The following ESRP1 variants were observed in gnomAD, a reference collection of about 807,000 sequenced individuals.
ESRP1 encodes the protein RNA-binding motif protein 35A.
Under a neutral mutation model 81.7 loss-of-function variants are expected in ESRP1, and 33 were observed. The ratio of observed to expected loss-of-function variants is 0.40; its 90% CI spans 0.31 to 0.54. ESRP1 has a LOEUF of 0.54. Among genes scored for constraint, ESRP1 ranks in the 20% least tolerant of loss-of-function variants. ESRP1 has a pLI of 0.41. For synonymous variants in ESRP1, 320 were observed against 303.3 expected, an observed-to-expected ratio of 1.06 and a Z score of -0.57; for missense variants, 672 against 833.1, an observed-to-expected ratio of 0.81 and a Z score of 2.38.
intron 4 of ESRP1, among the ~76,000 whole-genome samples, chr8:94,655,082 TG>T (rs1586185797): frequency 6.9e-6 from 1 of 144,494 alleles, no homozygotes; most frequent in African/African-American, 2.6e-5. Context: ...TGTGTGTGTG[TG>T]TGTGTTTTGT....
Position 94,703,825 on chromosome 8 carries a change from T to G in ESRP1, c.*36-2100T>G, listed in dbSNP as rs189180478. ...ACTGGCCATGTCTGGGCCCCTTGTT[T>G]GGCTCAGTGGTAAAACTGCCTCTTA... On this transcript the variant is annotated intron_variant, in intron 15 of 15. Coordinates refer to ENST00000433389, the MANE Select transcript of ESRP1 (RefSeq NM_017697.4). 2.4e-3 allele frequency among the ~76,000 whole-genome samples: 368 copies of G among 152,318 alleles called. 2 individuals carry two copies. Among genetic ancestry groups the G allele is most frequent in the Middle Eastern group, 0.01 (3 of 294 alleles).
At chr8:94,665,438 A>G (rs756018782) in intron 9 of ESRP1, among the ~76,000 whole-genome samples, 13 of 152,206 alleles carry the variant, frequency 8.5e-5, no homozygotes, top group Non-Finnish European at 1.6e-4. Flanking sequence ...AAATAGTACT[A>G]TACAAAGGTG....
intron 1 of ESRP1, 33 bp from the exon 2 acceptor site, chr8:94,641,923 G>A: frequency 6.2e-7 from 1 of 1,609,938 alleles, no homozygotes; most frequent in Non-Finnish European, 8.5e-7. Context: ...CCGAAATTGG[G>A]GGAAACTGAC....
In ESRP1 at chr8:94,706,443, C is replaced by T. The variant is rs1307986830; in HGVS notation, c.*554C>T. On this transcript the variant is annotated 3_prime_UTR_variant, in exon 16 of 16. Transcript: ENST00000433389. ...AGAATAAAATTGTTATTTTCCCAGT[C>T]TCTTGGCCATGATGATATCTTATGA... 1 of 153,060 alleles carries T rather than the reference C, an allele frequency of 6.5e-6. No individual in the cohort carries two copies. The highest frequency in any genetic ancestry group is 2.4e-5 in the African/African-American group (1 of 41,430). The allele number at this position is 153,060 out of a possible 1,614,324, so 9.5% of individuals were successfully genotyped here. A position where few individuals can be genotyped will look rare whatever the true frequency, so the allele number is the denominator to read the frequency against.
chr8:94,706,763 C>T lies in ESRP1; in HGVS notation c.*874C>T, dbSNP rs1008934021. 1 of 152,206 alleles carries T rather than the reference C, an allele frequency of 6.6e-6. No homozygotes were observed. Among genetic ancestry groups the T allele is most frequent in the African/African-American group, 2.4e-5 (1 of 41,430 alleles). 9.4% of individuals were successfully genotyped at this position (152,206 alleles called of 1,614,324 possible). ...AGAGAAATTCCATAGTTTTTAATAT[C>T]CCAGAAGTGAGACAATTTGAACAGT... is the stretch of plus-strand genomic sequence containing the variant. On this transcript the variant is annotated 3_prime_UTR_variant, in exon 16 of 16. Coordinates refer to ENST00000433389, the MANE Select transcript of ESRP1 (RefSeq NM_017697.4).
chr8:94,667,228 CAAA>C (rs1819071642), intron 9 of ESRP1, among the ~76,000 whole-genome samples: 1 of 147,730 alleles, frequency 6.8e-6, no homozygotes, highest in Admixed American at 6.7e-5. Flanking sequence ...AAAAAAAAAA[CAAA>C]AAAGAAGCAA....
chr8:94,649,839 AG>A (rs1188399160), intron 4 of ESRP1, among the ~76,000 whole-genome samples: 1 of 152,172 alleles, frequency 6.6e-6, no homozygotes, highest in Non-Finnish European at 1.5e-5. Flanking sequence ...GACCAGTTTT[AG>A]GTTTAGAGCA....
At position 94,668,141 on chromosome 8, in the gene ESRP1, T is replaced by C; in HGVS notation, c.1124T>C (p.Val375Ala). The change falls in exon 10 of 16, where the codon GTC (valine) becomes GCC (alanine). Residue 375 changes from valine to alanine, a missense_variant. Physicochemically the swap from Val to Ala is moderately conservative, Grantham distance 64. Coordinates refer to ENST00000433389, the MANE Select transcript of ESRP1 (RefSeq NM_017697.4). ...GGTAGGCCAACAGGGGACGCTTTTG[T>C]CCTCTTTGCCTGTGAGGAATATGCA... ...PDGRPTGDAF[V>A]LFACEEYAQN... The C allele has an allele frequency of 6.2e-7, 1 of 1,614,042 alleles. No homozygotes were observed. Among genetic ancestry groups the C allele is most frequent in the Non-Finnish European group, 8.5e-7 (1 of 1,179,894 alleles).
rs764634654 is a variant in ESRP1, at chr8:94,678,311, C to A, written c.1760C>A (p.Ser587Tyr). 1.9e-6 allele frequency: 3 copies of A among 1,613,910 alleles called. No individual in the cohort carries two copies. ...VILNPRALQPSTAYYPAGTQL... is the reference protein window; with the variant it reads ...VILNPRALQPYTAYYPAGTQL... ...TTGAATCCACGAGCACTGCAGCCCT[C>A]CACAGCGTACTACCCAGCAGGCACT... Residue 587 changes from serine to tyrosine, a missense_variant, in exon 13 of 16, where the codon TCC (serine) becomes TAC (tyrosine). By Grantham distance (144) the Ser-to-Tyr change is moderately radical (BLOSUM62 -2). Coordinates refer to ENST00000433389, the MANE Select transcript of ESRP1 (RefSeq NM_017697.4).
At chr8:94,643,448 T>G in intron 3 of ESRP1, 32 bp downstream of exon 3, 1 of 1,484,160 alleles carries the variant, frequency 6.7e-7, no homozygotes, top group South Asian at 1.1e-5. Context: ...AAAAAAATGG[T>G]TGGAGCTTTG....
intron 15 of ESRP1, among the ~76,000 whole-genome samples, chr8:94,697,554 A>C (rs1207175873): frequency 1.3e-5 from 2 of 152,226 alleles, no homozygotes; most frequent in African/African-American, 4.8e-5. Context: ...TTTATGACTG[A>C]ATAACATTTC....
At chr8:94,656,852 T>C (rs1342224374) in intron 4 of ESRP1, among the ~76,000 whole-genome samples, 2 of 152,212 alleles carry the variant, frequency 1.3e-5, no homozygotes, top group African/African-American at 4.8e-5. Context: ...AAAAACTTAG[T>C]TTAAAAAGAT....
intron 6 of ESRP1, 25 bp from the exon 7 acceptor site, chr8:94,664,672 A>G: frequency 1.3e-6 from 2 of 1,566,844 alleles, no homozygotes; most frequent in South Asian, 1.1e-5. Flanking sequence ...TTATCATGCA[A>G]CCTGAAGTTT....
At chr8:94,674,250 AT>A in intron 11 of ESRP1, 57 bp from the exon 12 acceptor site, 1 of 1,555,018 alleles carries the variant, frequency 6.4e-7, no homozygotes, top group Non-Finnish European at 8.8e-7. Flanking sequence ...GTAAGCAACC[AT>A]TTCCTTGTTG....
In ESRP1 at chr8:94,701,697, C is replaced by T. The variant is rs1586270221; in HGVS notation, c.*36-4228C>T. ...CTGGGTTCAAGCTGTCTCTCTGCCA[C>T]AGCCTTCCAAAGGGCTGGGATACCG... On this transcript the variant is annotated intron_variant, in intron 15 of 15. Coordinates refer to ENST00000433389, the MANE Select transcript of ESRP1 (RefSeq NM_017697.4). Among the ~76,000 whole-genome samples the T allele has an allele frequency of 2.6e-5, 4 of 152,156 alleles. 1 individual carries two copies. The highest frequency in any genetic ancestry group is 2.4e-5 in the African/African-American group (1 of 41,504).
intron 4 of ESRP1, among the ~76,000 whole-genome samples, chr8:94,658,095 C>T (rs945162493): frequency 1.3e-5 from 2 of 152,062 alleles, no homozygotes; most frequent in African/African-American, 2.4e-5. Context: ...TATTTTTAGT[C>T]GAGACAGGAG....
chr8:94,654,313 A>G (rs1365326378), intron 4 of ESRP1, among the ~76,000 whole-genome samples: 1 of 152,174 alleles, frequency 6.6e-6, no homozygotes, highest in Non-Finnish European at 1.5e-5. Context: ...GTGAGACTCC[A>G]TCTCAAAAAA....
chr8:94,649,377 T>A (rs915877292), intron 4 of ESRP1, among the ~76,000 whole-genome samples: 1 of 152,166 alleles, frequency 6.6e-6, no homozygotes, highest in South Asian at 2.1e-4. Flanking sequence ...TAGGCTTTAT[T>A]TTTTTGAGAT....
chr8:94,674,436 G>T lies in ESRP1; in HGVS notation c.1581G>T (p.Glu527Asp). 1.9e-6 allele frequency: 3 copies of T among 1,614,008 alleles called. No homozygotes were observed. Among genetic ancestry groups the T allele is most frequent in the Non-Finnish European group, 2.5e-6 (3 of 1,179,886 alleles). Residue 527 changes from glutamate (E) to aspartate (D), a missense_variant, in exon 12 of 16, where the codon GAG (glutamate) becomes GAT (aspartate). Glu to Asp is a conservative substitution (Grantham distance 45). Transcript: ENST00000433389. Reference sequence around the variant, plus strand: ...AAGTCTTTCAGTGTTCAGCTGAGGAGATGAACTTTGTGTTAATGGGGGGCA... The same window carrying T: ...AAGTCTTTCAGTGTTCAGCTGAGGATATGAACTTTGTGTTAATGGGGGGCA... ...YVEVFQCSAE[E>D]MNFVLMGGTL...
Sources: gnomAD v4.1 joint callset for allele counts (sites outside exome capture counted in the v4.1 genomes callset) on GRCh38, gnomAD v4.1.1 for gene constraint, MANE v1.5 for transcripts, NCBI Gene and HGNC (gene_info 2026-07-23, HGNC 2026-07-21) for gene names.